The following PDE6B variants were observed in gnomAD, a reference collection of about 807,000 sequenced individuals.
PDE6B encodes the protein phosphodiesterase 6B.
In PDE6B, 106 loss-of-function variants were observed where a neutral mutation model predicts 109.0. The observed-to-expected ratio is 0.97, with a 90% CI of 0.83 to 1.14. The LOEUF (loss-of-function observed/expected upper bound fraction) is 1.14, where lower values mean the gene tolerates loss of function less well. Among genes scored for constraint, PDE6B ranks in the 50% most tolerant of loss-of-function variants. The pLI is 0.00. For synonymous variants in PDE6B, 490 were observed against 471.3 expected, an observed-to-expected ratio of 1.04 and a Z score of -0.51; for missense variants, 1,193 against 1,155.6, an observed-to-expected ratio of 1.03 and a Z score of -0.47.
In PDE6B at chr4:662,695, G is replaced by T. The variant is rs777093396; in HGVS notation, c.1832+77G>T. The stretch of plus-strand genomic sequence containing the variant: ...CTTGGCGTGAATTAGGCTTCGCATA[G>T]CAGGCTATGTAGAAAGTGGAGTCCA... On this transcript the variant is annotated intron_variant, in intron 14 of 21. Transcript: ENST00000496514. The surrounding 1 kb of genome is among the most constrained non-coding windows in gnomAD (Gnocchi z 4.3). The T allele has an allele frequency of 6.5e-4, 611 of 947,062 alleles. No individual in the cohort carries two copies. The highest frequency in any genetic ancestry group is 9.7e-4 in the Non-Finnish European group (563 of 579,402). 58.7% of individuals were successfully genotyped at this position (947,062 alleles called of 1,614,324 possible).
chr4:656,578 G>A (rs930882340), intron 8 of PDE6B, among the ~76,000 whole-genome samples: 1 of 151,806 alleles, frequency 6.6e-6, no homozygotes, highest in Admixed American at 6.6e-5. Context: ...CGTGACCGCG[G>A]CCCCCACACA....
In PDE6B at chr4:666,680, G is replaced by A. The variant is rs1023464488; in HGVS notation, c.2352+66G>A. On this transcript the variant is annotated intron_variant, in intron 20 of 21. Transcript: ENST00000496514. The surrounding 1 kb of genome is among the most constrained non-coding windows in gnomAD (Gnocchi z 5.6). ...TGGCTGGGAGCAGGCAAGGGGGCGC[G>A]GGCTGGAGTCGCGTGGACTCACACG... 43 of 1,088,050 alleles carry A rather than the reference G, an allele frequency of 4.0e-5. No individual in the cohort carries two copies. The highest frequency in any genetic ancestry group is 3.7e-4 in the Admixed American group (22 of 58,862). The allele number at this position is 1,088,050 out of a possible 1,614,324, so 67.4% of individuals were successfully genotyped here.
In PDE6B at chr4:657,429, G is replaced by T; in HGVS notation, c.1336G>T (p.Asp446Tyr). Residue 446 changes from aspartate (D) to tyrosine (Y), a missense_variant, in exon 10 of 22, where the codon GAC becomes TAC. Physicochemically the swap from Asp to Tyr is radical, Grantham distance 160 (BLOSUM62 -3). Transcript: ENST00000496514. Reference sequence around the variant, plus strand: ...GATGAACAAGCTGGAGAACCGCAAGGACATCGCACAGGACATGGTCCTTTA... The same window carrying T: ...GATGAACAAGCTGGAGAACCGCAAGTACATCGCACAGGACATGGTCCTTTA... ...DKMNKLENRK[D>Y]IAQDMVLYHV... 6.2e-7 allele frequency: 1 copy of T among 1,613,358 alleles called. No homozygotes were observed.
chr4:657,874 CAGGTCGTCCAG>C (rs1736517365), intron 10 of PDE6B, among the ~76,000 whole-genome samples: 1 of 134,074 alleles, frequency 7.5e-6, no homozygotes, highest in Admixed American at 7.7e-5. Context: ...GCGGCAGGGG[CAGGTCGTCCAG>C]GGGTCACCCA....
intron 1 of PDE6B, among the ~76,000 whole-genome samples, chr4:627,778 A>C: frequency 1.4e-5 from 2 of 143,806 alleles, no homozygotes; most frequent in Non-Finnish European, 3.0e-5. Context: ...TCTCATCCCC[A>C]CCCTGTCCCA....
Position 656,989 on chromosome 4 carries a change from AGCCC to A in PDE6B, c.1224_1227del (p.Lys408AsnfsTer13), listed in dbSNP as rs1736345240. 1 of 1,613,202 alleles carries A rather than the reference AGCCC, an allele frequency of 6.2e-7. No homozygotes were observed. The highest frequency in any genetic ancestry group is 1.3e-5 in the African/African-American group (1 of 74,924). ...ACATTTTACAACAGGAAAGACGGGAAGCCCTTTGACGAACAGGACGAGGTTCTCA... is the reference window on the plus strand; with the variant it reads ...ACATTTTACAACAGGAAAGACGGGAATTTGACGAACAGGACGAGGTTCTCA... On this transcript the variant is annotated frameshift_variant, in exon 9 of 22. Transcript: ENST00000496514. LOFTEE classifies it high-confidence loss of function.
chr4:649,256 T>C (rs969470651), intron 3 of PDE6B, among the ~76,000 whole-genome samples: 1 of 152,202 alleles, frequency 6.6e-6, no homozygotes, highest in South Asian at 2.1e-4. Context: ...ATGGCCATGA[T>C]TGAATTGTCA....
chr4:625,622 C>G lies in PDE6B; in HGVS notation c.-5C>G. 1 of 1,601,452 alleles carries G rather than the reference C, an allele frequency of 6.2e-7. No individual in the cohort carries two copies. Among genetic ancestry groups the G allele is most frequent in the Non-Finnish European group, 8.6e-7 (1 of 1,168,602 alleles). ...CAGCAGCGTCTCCAGGGACAGGCAG[C>G]CACCATGAGCCTCAGTGAGGAGCAG... is the stretch of plus-strand genomic sequence containing the variant. On this transcript the variant is annotated 5_prime_UTR_variant, in exon 1 of 22. Coordinates refer to ENST00000496514, the MANE Select transcript of PDE6B (RefSeq NM_000283.4). This position sits in a 1 kb window ranked among gnomAD's most constrained non-coding sequence, Gnocchi z 5.0.
chr4:667,296 T>C (rs200554290), intron 20 of PDE6B, among the ~76,000 whole-genome samples: 1 of 149,534 alleles, frequency 6.7e-6, no homozygotes, highest in Admixed American at 6.6e-5. Flanking sequence ...CTGTGCCCAC[T>C]CCCCGCCCCA....
rs35792756 is a variant in PDE6B, at chr4:666,593, C to A, written c.2331C>A (p.Phe777Leu). ...AGCTGCAAGTGGGCTTCATCGACTTCGTGTGCACATTCGTGTACAAGGCGA... is the reference window on the plus strand; with the variant it reads ...AGCTGCAAGTGGGCTTCATCGACTTAGTGTGCACATTCGTGTACAAGGCGA... ...LPKLQVGFID[F>L]VCTFVYKEFS... The change falls in exon 20 of 22, where the codon TTC becomes TTA. Residue 777 changes from phenylalanine to leucine, a missense_variant. Phe to Leu is a conservative substitution (Grantham distance 22, BLOSUM62 0). Coordinates refer to ENST00000496514, the MANE Select transcript of PDE6B (RefSeq NM_000283.4). This position sits in a 1 kb window ranked among gnomAD's most constrained non-coding sequence, Gnocchi z 5.6. 1.2e-6 allele frequency: 2 copies of A among 1,611,688 alleles called. No homozygotes were observed. Among genetic ancestry groups the A allele is most frequent in the Middle Eastern group, 1.7e-4 (1 of 6,054 alleles).
chr4:664,401 G>C (rs921017362), intron 17 of PDE6B, among the ~76,000 whole-genome samples, 180 bp downstream of exon 17: 1 of 152,200 alleles, frequency 6.6e-6, no homozygotes, highest in Non-Finnish European at 1.5e-5. Flanking sequence ...CTCTCAGGGA[G>C]ATGGTGCAGA....
In PDE6B at chr4:664,201, G is replaced by A. The variant is rs778636823; in HGVS notation, c.2109G>A (p.Thr703=). The change falls in exon 17 of 22, where the codon ACG becomes ACA. Residue 703 remains threonine (T), a synonymous_variant. Transcript: ENST00000496514. ...GGGTGGAGTACCTGTCCCTGGAGAC[G>A]ACCCGGAAGGAGATCGTCATGTGAG... The part of the protein sequence containing the change: ...KSWVEYLSLE[T]TRKEIVMAMM... 7 of 1,602,378 alleles carry A rather than the reference G, an allele frequency of 4.4e-6. No individual in the cohort carries two copies. The highest frequency in any genetic ancestry group is 5.1e-6 in the Non-Finnish European group (6 of 1,169,878).
intron 3 of PDE6B, among the ~76,000 whole-genome samples, chr4:641,623 C>A (rs1271899560): frequency 6.6e-6 from 1 of 152,172 alleles, no homozygotes. Flanking sequence ...CGCACACAGC[C>A]GTCAGAGACA....
intron 3 of PDE6B, among the ~76,000 whole-genome samples, chr4:638,743 C>T (rs1174491809): frequency 2.0e-5 from 3 of 152,152 alleles, no homozygotes; most frequent in East Asian, 1.9e-4. Context: ...GAGGGGTCCT[C>T]GTTACCCTAG....
intron 8 of PDE6B, 68 bp downstream of exon 8, chr4:656,360 T>C (rs1736243391): frequency 9.4e-7 from 1 of 1,065,326 alleles, no homozygotes; most frequent in Non-Finnish European, 1.5e-6. Flanking sequence ...TCAGCGATGA[T>C]GAAGTGAATT....
intron 3 of PDE6B, among the ~76,000 whole-genome samples, chr4:641,548 C>T (rs749034173): frequency 3.3e-5 from 5 of 152,212 alleles, no homozygotes; most frequent in African/African-American, 4.8e-5. Context: ...TTGGGCTGTG[C>T]GGCAGGGGCA....
chr4:656,023 C>G lies in PDE6B; in HGVS notation c.1059+17C>G. 1 of 1,522,502 alleles carries G rather than the reference C, an allele frequency of 6.6e-7. No homozygotes were observed. The highest frequency in any genetic ancestry group is 9.1e-7 in the Non-Finnish European group (1 of 1,097,332). The allele number at this position is 1,522,502 out of a possible 1,614,324, so 94.3% of individuals were successfully genotyped here. On this transcript the variant is annotated intron_variant, in intron 7 of 21. Transcript: ENST00000496514. ...AGCGGCTTTGTGAGTCCCGTGCTGT[C>G]TGGAGTCCCCACAGCCTTGCCCTCA...
rs765576595 is a variant in PDE6B at position 666,605 on chromosome 4, C to T, written c.2343C>T (p.Phe781=). Residue 781 remains phenylalanine, a synonymous_variant, in exon 20 of 22, where the codon TTC becomes TTT. Coordinates refer to ENST00000496514, the MANE Select transcript of PDE6B (RefSeq NM_000283.4). The surrounding 1 kb of genome is among the most constrained non-coding windows in gnomAD (Gnocchi z 5.6). ...QVGFIDFVCT[F]VYKEFSRFHE... ...GCTTCATCGACTTCGTGTGCACATTCGTGTACAAGGCGAGTGGTTCACGGG... is the reference window on the plus strand; with the variant it reads ...GCTTCATCGACTTCGTGTGCACATTTGTGTACAAGGCGAGTGGTTCACGGG... 11 of 1,606,486 alleles carry T rather than the reference C, an allele frequency of 6.8e-6. No individual in the cohort carries two copies. The highest frequency in any genetic ancestry group is 1.6e-4 in the Middle Eastern group (1 of 6,066).
Position 665,187 on chromosome 4 carries a change from C to T in PDE6B, c.2194-68C>T, listed in dbSNP as rs1390923667. ...GAGAAGACCGAGGCTCGGAGCCTCA[C>T]GGGGCGGGCCCGGGCCCTTCCGCGT... On this transcript the variant is annotated intron_variant, in intron 18 of 21. Transcript: ENST00000496514. The surrounding 1 kb of genome is among the most constrained non-coding windows in gnomAD (Gnocchi z 4.0). 9 of 1,189,860 alleles carry T rather than the reference C, an allele frequency of 7.6e-6. No individual in the cohort carries two copies. In the East Asian group the frequency reaches 9.9e-5, roughly 13 times the overall value. The allele number at this position is 1,189,860 out of a possible 1,614,324, so 73.7% of individuals were successfully genotyped here. A position where few individuals can be genotyped will look rare whatever the true frequency, so the allele number is the denominator to read the frequency against.
Sources: gnomAD v4.1 joint callset for allele counts (sites outside exome capture counted in the v4.1 genomes callset) on GRCh38, gnomAD v4.1.1 for gene constraint, Gnocchi (gnomAD v3.1) non-coding constraint, MANE v1.5 for transcripts, NCBI Gene and HGNC (gene_info 2026-07-23, HGNC 2026-07-21) for gene names.